KRTAP23-1: variants seen among roughly 807,000 people sequenced by gnomAD.
KRTAP23-1 encodes the protein keratin associated protein 23-1.
For missense variants in KRTAP23-1, 70 were observed against 72.7 expected, an observed-to-expected ratio of 0.96 and a Z score of 0.13; for synonymous variants, 37 against 33.7, an observed-to-expected ratio of 1.10 and a Z score of -0.34.
chr21:30,348,584 C>T lies in KRTAP23-1; in HGVS notation c.23G>A (p.Gly8Glu). 6.2e-7 allele frequency: 1 copy of T among 1,614,068 alleles called. No homozygotes were observed. The highest frequency in any genetic ancestry group is 8.5e-7 in the Non-Finnish European group (1 of 1,179,980). ...CTCACAGGAATGGGAGGAGAAGTTT[C>T]CACAGCAGCAGTTGTAGGACATGTT... is the stretch of plus-strand genomic sequence containing the variant. MSYNCCC[G>E]NFSSHSCEGY... Residue 8 changes from glycine (G) to glutamate (E), a missense_variant, in exon 1 of 1, where the codon GGA becomes GAA. Physicochemically the swap from Gly to Glu is moderately conservative, Grantham distance 98. Coordinates refer to ENST00000334160, the MANE Select transcript of KRTAP23-1 (RefSeq NM_181624.1).
In KRTAP23-1 at chr21:30,348,404, G is replaced by A. The variant is rs1345389327; in HGVS notation, c.*5C>T. On this transcript the variant is annotated 3_prime_UTR_variant, in exon 1 of 1. Transcript: ENST00000334160. ...GGGCTGGACTCCACACAGGACATCT[G>A]GCAGCTAGGGGTTTCCCAGCAAGTC... is the stretch of plus-strand genomic sequence containing the variant. The A allele has an allele frequency of 1.9e-6, 3 of 1,614,132 alleles. No homozygotes were observed. Among genetic ancestry groups the A allele is most frequent in the East Asian group, 2.2e-5 (1 of 44,872 alleles).
In KRTAP23-1 at chr21:30,348,580, G is replaced by T; in HGVS notation, c.27C>A (p.Asn9Lys). 1 of 1,614,126 alleles carries T rather than the reference G, an allele frequency of 6.2e-7. No individual in the cohort carries two copies. The highest frequency in any genetic ancestry group is 8.5e-7 in the Non-Finnish European group (1 of 1,179,998). The stretch of plus-strand genomic sequence containing the variant: ...AGCCCTCACAGGAATGGGAGGAGAA[G>T]TTTCCACAGCAGCAGTTGTAGGACA... MSYNCCCG[N>K]FSSHSCEGYL... Residue 9 changes from asparagine to lysine, a missense_variant, in exon 1 of 1, where the codon AAC (asparagine) becomes AAA (lysine). Asn to Lys is a moderately conservative substitution (Grantham distance 94, BLOSUM62 0). Transcript: ENST00000334160.
Position 30,348,526 on chromosome 21 carries a change from A to T in KRTAP23-1, c.81T>A (p.Gly27=). The T allele has an allele frequency of 6.2e-7, 1 of 1,614,158 alleles. No homozygotes were observed. ...GYLCYSGYSR[G]GSSYPSNLVY... is the part of the protein sequence containing the mutation. ...CCAGGTTGCTGGGGTACGAGGAGCCACCACGGGAGTAGCCTGAGTAGCACA... is the reference window on the plus strand; with the variant it reads ...CCAGGTTGCTGGGGTACGAGGAGCCTCCACGGGAGTAGCCTGAGTAGCACA... The change falls in exon 1 of 1, where the codon GGT becomes GGA. Residue 27 remains glycine (G), a synonymous_variant. Transcript: ENST00000334160.
chr21:30,348,527 C>A lies in KRTAP23-1; in HGVS notation c.80G>T (p.Gly27Val). The A allele has an allele frequency of 6.2e-7, 1 of 1,614,098 alleles. No homozygotes were observed. Among genetic ancestry groups the A allele is most frequent in the South Asian group, 1.1e-5 (1 of 91,082 alleles). The change falls in exon 1 of 1, where the codon GGT becomes GTT. Residue 27 changes from glycine to valine, a missense_variant. Transcript: ENST00000334160. ...CAGGTTGCTGGGGTACGAGGAGCCA[C>A]CACGGGAGTAGCCTGAGTAGCACAG... Reference protein sequence around the residue: ...GYLCYSGYSRGGSSYPSNLVY... With the variant: ...GYLCYSGYSRVGSSYPSNLVY...
Position 30,348,446 on chromosome 21 carries a change from A to T in KRTAP23-1, c.161T>A (p.Leu54Gln), listed in dbSNP as rs960905320. 6.2e-7 allele frequency: 1 copy of T among 1,614,158 alleles called. No homozygotes were observed. Residue 54 changes from leucine to glutamine, a missense_variant, in exon 1 of 1, where the codon CTG becomes CAG. Leu to Gln is a moderately radical substitution (Grantham distance 113, BLOSUM62 -2). Coordinates refer to ENST00000334160, the MANE Select transcript of KRTAP23-1 (RefSeq NM_181624.1). The stretch of plus-strand genomic sequence containing the variant: ...CAGCAAGTCTCCTGAAAGCCCTTGC[A>T]GAGAGAGGAACCCAGCTGGCAGGTG... ...SQHLPAGFLS[L>Q]QGLSGDLLGN...
chr21:30,348,517 C>T lies in KRTAP23-1; in HGVS notation c.90G>A (p.Ser30=), dbSNP rs760011736. ...CYSGYSRGGS[S]YPSNLVYSTE... ...TGCTGTAGACCAGGTTGCTGGGGTA[C>T]GAGGAGCCACCACGGGAGTAGCCTG... Residue 30 remains serine (S), a synonymous_variant, in exon 1 of 1, where the codon TCG becomes TCA. Transcript: ENST00000334160. 4.3e-6 allele frequency: 7 copies of T among 1,614,074 alleles called. No individual in the cohort carries two copies. In the Admixed American group the frequency reaches 6.7e-5, roughly 15 times the overall value.
Position 30,348,505 on chromosome 21 carries a change from G to T in KRTAP23-1, c.102C>A (p.Asn34Lys), listed in dbSNP as rs760351968. 4 of 1,614,138 alleles carry T rather than the reference G, an allele frequency of 2.5e-6. No homozygotes were observed. The Admixed American group carries it at 6.7e-5, about 27-fold the overall frequency. Residue 34 changes from asparagine to lysine, a missense_variant, in exon 1 of 1, where the codon AAC (asparagine) becomes AAA (lysine). By Grantham distance (94) the Asn-to-Lys change is moderately conservative. Coordinates refer to ENST00000334160, the MANE Select transcript of KRTAP23-1 (RefSeq NM_181624.1). ...YSRGGSSYPS[N>K]LVYSTEPLIS... ...TCAAAGGTTCAGTGCTGTAGACCAG[G>T]TTGCTGGGGTACGAGGAGCCACCAC...
In KRTAP23-1 at chr21:30,348,586, A is replaced by G. The variant is rs1463715490; in HGVS notation, c.21T>C (p.Cys7=). The G allele has an allele frequency of 6.2e-7, 1 of 1,614,090 alleles. No homozygotes were observed. Among genetic ancestry groups the G allele is most frequent in the Admixed American group, 1.7e-5 (1 of 60,014 alleles). The change falls in exon 1 of 1, where the codon TGT becomes TGC. Residue 7 remains cysteine, a synonymous_variant. Transcript: ENST00000334160. ...CACAGGAATGGGAGGAGAAGTTTCC[A>G]CAGCAGCAGTTGTAGGACATGTTGA... is the stretch of plus-strand genomic sequence containing the variant. MSYNCC[C]GNFSSHSCEG... is the part of the protein sequence containing the mutation.
Position 30,348,548 on chromosome 21 carries a change from C to A in KRTAP23-1, c.59G>T (p.Cys20Phe), listed in dbSNP as rs375146690. 1.9e-6 allele frequency: 3 copies of A among 1,613,974 alleles called. No individual in the cohort carries two copies. The African/African-American group carries it at 4.0e-5, about 22-fold the overall frequency. ...FSSHSCEGYL[C>F]YSGYSRGGSS... ...GCCACCACGGGAGTAGCCTGAGTAG[C>A]ACAGGTAGCCCTCACAGGAATGGGA... Residue 20 changes from cysteine to phenylalanine, a missense_variant, in exon 1 of 1, where the codon TGC (cysteine) becomes TTC (phenylalanine). Coordinates refer to ENST00000334160, the MANE Select transcript of KRTAP23-1 (RefSeq NM_181624.1).
In KRTAP23-1 at chr21:30,348,412, G is replaced by T. The variant is rs765635645; in HGVS notation, c.195C>A (p.Pro65=). The T allele has an allele frequency of 4.3e-6, 7 of 1,613,998 alleles. No individual in the cohort carries two copies. Among genetic ancestry groups the T allele is most frequent in the Admixed American group, 1.7e-5 (1 of 60,006 alleles). The part of the protein sequence containing the change: ...QGLSGDLLGN[P] Reference sequence around the variant, plus strand: ...CTCCACACAGGACATCTGGCAGCTAGGGGTTTCCCAGCAAGTCTCCTGAAA... The same window carrying T: ...CTCCACACAGGACATCTGGCAGCTATGGGTTTCCCAGCAAGTCTCCTGAAA... The change falls in exon 1 of 1, where the codon CCC becomes CCA. Residue 65 remains proline (P), a synonymous_variant. Transcript: ENST00000334160.
Position 30,348,574 on chromosome 21 carries a change from G to C in KRTAP23-1, c.33C>G (p.Ser11=). MSYNCCCGNF[S]SHSCEGYLCY... ...ACAGGTAGCCCTCACAGGAATGGGA[G>C]GAGAAGTTTCCACAGCAGCAGTTGT... Residue 11 remains serine (S), a synonymous_variant, in exon 1 of 1, where the codon TCC becomes TCG. Transcript: ENST00000334160. The C allele has an allele frequency of 8.1e-6, 13 of 1,614,110 alleles. No homozygotes were observed. Among genetic ancestry groups the C allele is most frequent in the Non-Finnish European group, 1.1e-5 (13 of 1,179,990 alleles).
Position 30,348,460 on chromosome 21 carries a change from A to T in KRTAP23-1, c.147T>A (p.Ala49=). 1 of 1,614,178 alleles carries T rather than the reference A, an allele frequency of 6.2e-7. No homozygotes were observed. Among genetic ancestry groups the T allele is most frequent in the Non-Finnish European group, 8.5e-7 (1 of 1,179,996 alleles). ...TEPLISQHLP[A]GFLSLQGLSG... is the part of the protein sequence containing the mutation. ...AAAGCCCTTGCAGAGAGAGGAACCC[A>T]GCTGGCAGGTGCTGGGAGATCAAAG... The change falls in exon 1 of 1, where the codon GCT becomes GCA. Residue 49 remains alanine (A), a synonymous_variant. Transcript: ENST00000334160.
At position 30,348,457 on chromosome 21, in the gene KRTAP23-1, C is replaced by A. The variant is rs751568322; in HGVS notation, c.150G>T (p.Gly50=). 6.2e-7 allele frequency: 1 copy of A among 1,614,142 alleles called. No homozygotes were observed. Among genetic ancestry groups the A allele is most frequent in the African/African-American group, 1.3e-5 (1 of 75,034 alleles). Residue 50 remains glycine (G), a synonymous_variant, in exon 1 of 1, where the codon GGG becomes GGT. Coordinates refer to ENST00000334160, the MANE Select transcript of KRTAP23-1 (RefSeq NM_181624.1). The part of the protein sequence containing the change: ...EPLISQHLPA[G]FLSLQGLSGD... Reference sequence around the variant, plus strand: ...CTGAAAGCCCTTGCAGAGAGAGGAACCCAGCTGGCAGGTGCTGGGAGATCA... The same window carrying A: ...CTGAAAGCCCTTGCAGAGAGAGGAAACCAGCTGGCAGGTGCTGGGAGATCA...
At position 30,348,545 on chromosome 21, in the gene KRTAP23-1, T is replaced by C. The variant is rs770828891; in HGVS notation, c.62A>G (p.Tyr21Cys). The change falls in exon 1 of 1, where the codon TAC (tyrosine) becomes TGC (cysteine). Residue 21 changes from tyrosine to cysteine, a missense_variant. By Grantham distance (194) the Tyr-to-Cys change is radical (BLOSUM62 -2). Coordinates refer to ENST00000334160, the MANE Select transcript of KRTAP23-1 (RefSeq NM_181624.1). ...SSHSCEGYLC[Y>C]SGYSRGGSSY... is the part of the protein sequence containing the mutation. The stretch of plus-strand genomic sequence containing the variant: ...GGAGCCACCACGGGAGTAGCCTGAG[T>C]AGCACAGGTAGCCCTCACAGGAATG... 48 of 1,613,850 alleles carry C rather than the reference T, an allele frequency of 3.0e-5. 2 individuals carry two copies. The South Asian group carries it at 5.3e-4, about 18-fold the overall frequency.
chr21:30,348,557 C>G lies in KRTAP23-1; in HGVS notation c.50G>C (p.Gly17Ala), dbSNP rs1250654491. The change falls in exon 1 of 1, where the codon GGC becomes GCC. Residue 17 changes from glycine (G) to alanine (A), a missense_variant. Coordinates refer to ENST00000334160, the MANE Select transcript of KRTAP23-1 (RefSeq NM_181624.1). ...GGAGTAGCCTGAGTAGCACAGGTAG[C>G]CCTCACAGGAATGGGAGGAGAAGTT... ...CGNFSSHSCE[G>A]YLCYSGYSRG... The G allele has an allele frequency of 6.8e-6, 11 of 1,613,928 alleles. No individual in the cohort carries two copies. The highest frequency in any genetic ancestry group is 9.3e-6 in the Non-Finnish European group (11 of 1,179,982).
Position 30,348,423 on chromosome 21 carries a change from G to A in KRTAP23-1, c.184C>T (p.Leu62=). 1 of 1,614,130 alleles carries A rather than the reference G, an allele frequency of 6.2e-7. No homozygotes were observed. Among genetic ancestry groups the A allele is most frequent in the Non-Finnish European group, 8.5e-7 (1 of 1,179,986 alleles). ...LSLQGLSGDL[L]GNP ...ACATCTGGCAGCTAGGGGTTTCCCA[G>A]CAAGTCTCCTGAAAGCCCTTGCAGA... The change falls in exon 1 of 1, where the codon CTG becomes TTG. Residue 62 remains leucine, a synonymous_variant. Transcript: ENST00000334160.
At position 30,348,520 on chromosome 21, in the gene KRTAP23-1, G is replaced by A. The variant is rs199992821; in HGVS notation, c.87C>T (p.Ser29=). ...TGTAGACCAGGTTGCTGGGGTACGA[G>A]GAGCCACCACGGGAGTAGCCTGAGT... ...LCYSGYSRGG[S]SYPSNLVYST... The change falls in exon 1 of 1, where the codon TCC becomes TCT. Residue 29 remains serine (S), a synonymous_variant. Transcript: ENST00000334160. The A allele has an allele frequency of 1.9e-6, 3 of 1,614,128 alleles. No homozygotes were observed. The highest frequency in any genetic ancestry group is 2.5e-6 in the Non-Finnish European group (3 of 1,180,016).
rs1213293493 is a variant in KRTAP23-1 at position 30,348,485 on chromosome 21, G to C, written c.122C>G (p.Pro41Arg). Residue 41 changes from proline to arginine, a missense_variant, in exon 1 of 1, where the codon CCT becomes CGT. Transcript: ENST00000334160. ...AGCTGGCAGGTGCTGGGAGATCAAA[G>C]GTTCAGTGCTGTAGACCAGGTTGCT... Reference protein sequence around the residue: ...YPSNLVYSTEPLISQHLPAGF... With the variant: ...YPSNLVYSTERLISQHLPAGF... The C allele has an allele frequency of 1.5e-5, 24 of 1,614,188 alleles. No individual in the cohort carries two copies. The highest frequency in any genetic ancestry group is 2.0e-5 in the Non-Finnish European group (24 of 1,180,016).
Position 30,348,593 on chromosome 21 carries a change from C to T in KRTAP23-1, c.14G>A (p.Cys5Tyr), listed in dbSNP as rs144494179. 2.1e-3 allele frequency: 3,459 copies of T among 1,614,004 alleles called. 27 individuals carry two copies. The highest frequency in any genetic ancestry group is 9.9e-3 in the South Asian group (900 of 91,082). The change falls in exon 1 of 1, where the codon TGC becomes TAC. Residue 5 changes from cysteine to tyrosine, a missense_variant. Cys to Tyr is a radical substitution (Grantham distance 194). Coordinates refer to ENST00000334160, the MANE Select transcript of KRTAP23-1 (RefSeq NM_181624.1). MSYN[C>Y]CCGNFSSHSC... ...ATGGGAGGAGAAGTTTCCACAGCAGCAGTTGTAGGACATGTTGACAGGAGA... is the reference window on the plus strand; with the variant it reads ...ATGGGAGGAGAAGTTTCCACAGCAGTAGTTGTAGGACATGTTGACAGGAGA...
Sources: allele counts gnomAD v4.1 joint callset, GRCh38; gene constraint gnomAD v4.1.1; transcripts MANE v1.5; gene names NCBI Gene and HGNC (gene_info 2026-07-23, HGNC 2026-07-21).